Variants in RYR2 observed in about 807,000 individuals in gnomAD.
RYR2 encodes cardiac muscle ryanodine receptor-calcium release channel.
In RYR2, 227 loss-of-function variants were observed where a neutral mutation model predicts 601.1. That is an observed-to-expected ratio of 0.38 (90% CI 0.34 to 0.42). The LOEUF (loss-of-function observed/expected upper bound fraction) is 0.42. Among genes scored for constraint, RYR2 ranks in the 10% least tolerant of loss-of-function variants. The probability of loss-of-function intolerance (pLI) is 1.00; values close to 1 mark genes in which losing one functional copy is unlikely to be tolerated. For synonymous variants in RYR2, 2,223 were observed against 2,175.1 expected, an observed-to-expected ratio of 1.02 and a Z score of -0.61; for missense variants, 4,646 against 6,156.5, an observed-to-expected ratio of 0.75 and a Z score of 8.21.
chr1:237,335,409 A>G (rs1167350723), intron 3 of RYR2, among the ~76,000 whole-genome samples: 1 of 152,198 alleles, frequency 6.6e-6, no homozygotes, highest in Non-Finnish European at 1.5e-5. Context: ...TATAGTAGAA[A>G]GGGCTTTGGT....
chr1:237,061,663 T>C (rs912563563), intron 1 of RYR2, among the ~76,000 whole-genome samples: 1 of 152,232 alleles, frequency 6.6e-6, no homozygotes, highest in African/African-American at 2.4e-5. Context: ...AGGAATCTTT[T>C]GTTAGATACG....
intron 1 of RYR2, among the ~76,000 whole-genome samples, chr1:237,190,605 C>CAATAAAAAATACA (rs1466963767): frequency 2.9e-4 from 44 of 151,920 alleles, no homozygotes; most frequent in African/African-American, 1.0e-3. Context: ...AACGACACAA[C>CAATAAAAAATACA]AATAAAAAAT....
chr1:237,234,010 G>C (rs1685273737), intron 1 of RYR2, among the ~76,000 whole-genome samples: 1 of 152,104 alleles, frequency 6.6e-6, no homozygotes, highest in African/African-American at 2.4e-5. Flanking sequence ...CTTGAAATTA[G>C]TCAAGGGTCA....
Position 237,806,184 on chromosome 1 carries a change from C to T in RYR2, c.14199C>T (p.His4733=). ...AWYMTMSVLG[H]YNNFFFAAHL... The stretch of plus-strand genomic sequence containing the variant: ...ATATGACTATGTCTGTTCTTGGACA[C>T]TATAACAACTTTTTTTTTGCCGCTC... Residue 4733 remains histidine, a synonymous_variant, in exon 99 of 105, where the codon CAC becomes CAT. Transcript: ENST00000366574. The T allele has an allele frequency of 1.2e-6, 2 of 1,613,536 alleles. No homozygotes were observed. Among genetic ancestry groups the T allele is most frequent in the African/African-American group, 2.7e-5 (2 of 75,026 alleles).
At chr1:237,144,416 G>A (rs1237420332) in intron 1 of RYR2, among the ~76,000 whole-genome samples, 3 of 152,134 alleles carry the variant, frequency 2.0e-5, no homozygotes, top group Admixed American at 6.5e-5. Flanking sequence ...GGTACCTGCC[G>A]AAGTTAGACT....
chr1:237,455,831 C>G (rs1223392861), intron 15 of RYR2, among the ~76,000 whole-genome samples: 1 of 152,202 alleles, frequency 6.6e-6, no homozygotes, highest in Non-Finnish European at 1.5e-5. Context: ...GGAGCTTTCA[C>G]ATATGCCAAA....
chr1:237,148,487 TTCTGC>T (rs2148797469), intron 1 of RYR2, among the ~76,000 whole-genome samples: 7 of 142,498 alleles, frequency 4.9e-5, no homozygotes, highest in African/African-American at 1.8e-4. Flanking sequence ...AACCTGTGCA[TTCTGC>T]ACATGTATCC....
intron 2 of RYR2, among the ~76,000 whole-genome samples, chr1:237,325,517 T>C (rs2149542743): frequency 6.6e-6 from 1 of 152,022 alleles, no homozygotes; most frequent in Non-Finnish European, 1.5e-5. Flanking sequence ...TGAAACCCCA[T>C]CTCTACTAAA....
chr1:237,552,721 G>T (rs1010879580), intron 27 of RYR2, among the ~76,000 whole-genome samples: 1 of 151,754 alleles, frequency 6.6e-6, no homozygotes, highest in African/African-American at 2.4e-5. Context: ...AAAATCTATT[G>T]CTCAGTGGCA....
rs752527636 is a variant in RYR2, at chr1:237,454,377, A to G, written c.1293-14A>G. 3.2e-6 allele frequency: 5 copies of G among 1,580,566 alleles called. No homozygotes were observed. Among genetic ancestry groups the G allele is most frequent in the South Asian group, 1.2e-5 (1 of 85,176 alleles). On this transcript the variant is annotated splice_polypyrimidine_tract_variant and intron_variant, in intron 14 of 104. Transcript: ENST00000366574. ...AATCACTGACAATAGAGAAATGTTT[A>G]TGGTTTATTTTAGGGGCCTTGATGC...
In RYR2 at chr1:237,357,074, C is replaced by T. The variant is rs367917038; in HGVS notation, c.294+1089C>T. On this transcript the variant is annotated intron_variant, in intron 4 of 104. Coordinates refer to ENST00000366574, the MANE Select transcript of RYR2 (RefSeq NM_001035.3). Reference sequence around the variant, plus strand: ...TCTTTTTTTTTAAATTTTTTTTAGCCCTTTAAAGACAAGGAAACTTGTTTT... The same window carrying T: ...TCTTTTTTTTTAAATTTTTTTTAGCTCTTTAAAGACAAGGAAACTTGTTTT... 2.0e-5 allele frequency among the ~76,000 whole-genome samples: 3 copies of T among 151,698 alleles called. No homozygotes were observed. In the East Asian group the frequency reaches 5.8e-4, roughly 29 times the overall value.
chr1:237,758,236 T>C (rs1693117382), intron 82 of RYR2, among the ~76,000 whole-genome samples: 1 of 152,206 alleles, frequency 6.6e-6, no homozygotes. Context: ...AGACCCTCAT[T>C]ACTTAGTATG....
At chr1:237,490,514 TA>T (rs1183116409) in intron 17 of RYR2, among the ~76,000 whole-genome samples, 1 of 150,888 alleles carries the variant, frequency 6.6e-6, no homozygotes, top group African/African-American at 2.4e-5. Flanking sequence ...TTTTTAGTAA[TA>T]GCAAAAAAAA....
intron 2 of RYR2, among the ~76,000 whole-genome samples, chr1:237,305,595 C>T (rs1693791704): frequency 6.6e-6 from 1 of 152,136 alleles, no homozygotes; most frequent in Non-Finnish European, 1.5e-5. Context: ...CCAAGCTGGG[C>T]TAATTTTTGT....
chr1:237,424,874 C>T (rs1229761890), intron 12 of RYR2, among the ~76,000 whole-genome samples: 2 of 152,140 alleles, frequency 1.3e-5, no homozygotes, highest in Non-Finnish European at 2.9e-5. Flanking sequence ...TTGCAGTTGT[C>T]ACTGGAGGCC....
At chr1:237,208,511 T>C (rs894268288) in intron 1 of RYR2, among the ~76,000 whole-genome samples, 13 of 152,204 alleles carry the variant, frequency 8.5e-5, no homozygotes, top group Non-Finnish European at 1.9e-4. Flanking sequence ...ATGTAACATT[T>C]GGTTGGATGG....
intron 40 of RYR2, among the ~76,000 whole-genome samples, chr1:237,627,395 T>C (rs936732016): frequency 2.6e-5 from 4 of 152,228 alleles, no homozygotes; most frequent in East Asian, 1.9e-4. Flanking sequence ...CCTTTTTGAA[T>C]GTCCGTGACC....
At chr1:237,783,066 C>T (rs957343626) in intron 89 of RYR2, among the ~76,000 whole-genome samples, 1 of 152,224 alleles carries the variant, frequency 6.6e-6, no homozygotes, top group Non-Finnish European at 1.5e-5. Context: ...TTTCTAACAA[C>T]TATACACACT....
At chr1:237,209,497 A>ATATGTGTGTGTGTGTG (rs138024057) in intron 1 of RYR2, among the ~76,000 whole-genome samples, 44 of 143,354 alleles carry the variant, frequency 3.1e-4, no homozygotes, top group African/African-American at 1.0e-3. Flanking sequence ...ATCTGCATAT[A>ATATGTGTGTGTGTGTG]TGTGTGTGTG....
Sources: gnomAD v4.1 joint callset for allele counts (sites outside exome capture counted in the v4.1 genomes callset) on GRCh38, gnomAD v4.1.1 for gene constraint, MANE v1.5 for transcripts, NCBI Gene and HGNC (gene_info 2026-07-23, HGNC 2026-07-21) for gene names.